GABRA2: variants seen among roughly 807,000 people sequenced by gnomAD.
The protein encoded by GABRA2 is gamma-aminobutyric acid type A receptor subunit alpha2.
In GABRA2, 16 loss-of-function variants were observed where a neutral mutation model predicts 48.7. That is an observed-to-expected ratio of 0.33 (90% CI 0.22 to 0.50). GABRA2 has a LOEUF of 0.50. Ranked by LOEUF, GABRA2 falls within the 20% of genes least tolerant of loss-of-function variation. The pLI is 0.98. For missense variants in GABRA2, 275 were observed against 535.6 expected (o/e 0.51, Z 4.80); for synonymous variants, 185 against 184.5 (o/e 1.00, Z -0.02).
At chr4:46,345,544 A>G (rs545001451) in intron 3 of GABRA2, among the ~76,000 whole-genome samples, 1 of 151,984 alleles carries the variant, frequency 6.6e-6, no homozygotes, top group Admixed American at 6.6e-5. Context: ...TCTCCCCATA[A>G]GTAGAGACAA....
chr4:46,294,927 C>T (rs2083422), intron 8 of GABRA2, among the ~76,000 whole-genome samples: 63,864 of 151,946 alleles, frequency 0.42, 13,663 homozygotes, highest in East Asian at 0.52. Context: ...AAGTGATATG[C>T]ATGTGATCAG....
intron 3 of GABRA2, among the ~76,000 whole-genome samples, chr4:46,379,501 T>G (rs1191758711): frequency 6.6e-6 from 1 of 152,242 alleles, no homozygotes. Flanking sequence ...CAATTTATTT[T>G]CATTTTCTCA....
At chr4:46,269,407 A>G (rs1475616997) in intron 8 of GABRA2, among the ~76,000 whole-genome samples, 1 of 151,866 alleles carries the variant, frequency 6.6e-6, no homozygotes, top group Non-Finnish European at 1.5e-5. Context: ...CCAGAGTGGC[A>G]AATTGGCCTA....
At chr4:46,383,750 G>A (rs1717072329) in intron 3 of GABRA2, among the ~76,000 whole-genome samples, 1 of 152,066 alleles carries the variant, frequency 6.6e-6, no homozygotes, top group Non-Finnish European at 1.5e-5. Flanking sequence ...GATTTGCATA[G>A]GAAAGGTAGA....
chr4:46,330,605 G>GAA (rs1225582406), intron 4 of GABRA2, among the ~76,000 whole-genome samples: 1 of 149,342 alleles, frequency 6.7e-6, no homozygotes, highest in Non-Finnish European at 1.5e-5. Flanking sequence ...GAGAGAGAGA[G>GAA]AGAGATGTTT....
chr4:46,287,165 T>C, intron 8 of GABRA2, among the ~76,000 whole-genome samples: 1 of 152,210 alleles, frequency 6.6e-6, no homozygotes, highest in East Asian at 1.9e-4. Context: ...TTCATTCTTT[T>C]GAATTTGGCA....
intron 8 of GABRA2, among the ~76,000 whole-genome samples, chr4:46,277,913 A>C (rs1308426259): frequency 2.0e-5 from 3 of 152,206 alleles, no homozygotes; most frequent in Non-Finnish European, 4.4e-5. Context: ...TGAAAATATT[A>C]GCATATATAC....
At chr4:46,281,922 C>A (rs139878260) in intron 8 of GABRA2, among the ~76,000 whole-genome samples, 3 of 152,014 alleles carry the variant, frequency 2.0e-5, no homozygotes, top group African/African-American at 7.3e-5. Flanking sequence ...GAGGTGCATT[C>A]CTGGAATAAT....
rs148401814 is a variant in GABRA2, at chr4:46,375,556, G to A, written c.187+10518C>T. Among the ~76,000 whole-genome samples, 699 of 152,170 alleles carry A rather than the reference G, an allele frequency of 4.6e-3. 1 individual carries two copies. Among genetic ancestry groups the A allele is most frequent in the Non-Finnish European group, 6.9e-3 (468 of 67,994 alleles). On this transcript the variant is annotated intron_variant, in intron 3 of 9. Transcript: ENST00000381620. ...GGGAATGCCACACTTAAACACCCTCGACATCCCTGCTACAGACATAGAAAA... is the reference window on the plus strand; with the variant it reads ...GGGAATGCCACACTTAAACACCCTCAACATCCCTGCTACAGACATAGAAAA...
chr4:46,290,193 C>T (rs1248044770), intron 8 of GABRA2, among the ~76,000 whole-genome samples: 2 of 151,774 alleles, frequency 1.3e-5, no homozygotes, highest in East Asian at 1.9e-4. Flanking sequence ...CGCCAGCCAC[C>T]GCGCCCGGCC....
At chr4:46,337,036 T>C (rs1449587176) in intron 3 of GABRA2, among the ~76,000 whole-genome samples, 1 of 152,120 alleles carries the variant, frequency 6.6e-6, no homozygotes, top group African/African-American at 2.4e-5. Flanking sequence ...AAGAACAAAA[T>C]TGATGTTCAA....
intron 8 of GABRA2, among the ~76,000 whole-genome samples, chr4:46,263,793 G>A (rs1717535177): frequency 6.6e-6 from 1 of 151,968 alleles, no homozygotes; most frequent in African/African-American, 2.4e-5. Context: ...TGCAAAAAAG[G>A]TAATTGGAAT....
At chr4:46,265,008 A>ATATAT (rs1717825404) in intron 8 of GABRA2, among the ~76,000 whole-genome samples, 1 of 58,000 alleles carries the variant, frequency 1.7e-5, no homozygotes, top group Non-Finnish European at 4.1e-5. Flanking sequence ...TATATGTATA[A>ATATAT]AGAGAGAGAG....
intron 3 of GABRA2, among the ~76,000 whole-genome samples, chr4:46,377,985 G>C (rs1348935263): frequency 9.5e-5 from 14 of 147,484 alleles, no homozygotes; most frequent in Admixed American, 1.3e-4. Context: ...GGAGGGAGGT[G>C]GGGGGGTCAG....
intron 8 of GABRA2, among the ~76,000 whole-genome samples, chr4:46,282,384 A>C (rs1721700511): frequency 6.6e-6 from 1 of 152,184 alleles, no homozygotes; most frequent in African/African-American, 2.4e-5. Context: ...GACATATCTG[A>C]GATGGTGTTT....
At chr4:46,299,301 T>C (rs1170495344) in intron 8 of GABRA2, among the ~76,000 whole-genome samples, 2 of 151,826 alleles carry the variant, frequency 1.3e-5, no homozygotes, top group African/African-American at 4.8e-5. Context: ...AATTGCTCTT[T>C]TTACTATCCT....
At chr4:46,346,330 G>A (rs1734135226) in intron 3 of GABRA2, among the ~76,000 whole-genome samples, 1 of 151,712 alleles carries the variant, frequency 6.6e-6, no homozygotes, top group Admixed American at 6.6e-5. Context: ...TGATAAAAAG[G>A]ATGACTCAAA....
chr4:46,378,463 T>C (rs1392309314), intron 3 of GABRA2, among the ~76,000 whole-genome samples: 4 of 151,946 alleles, frequency 2.6e-5, no homozygotes, highest in African/African-American at 7.3e-5. Context: ...GAAGGCAGCA[T>C]GCTCGTTAAG....
chr4:46,244,796 C>T lies in GABRA2; in HGVS notation c.*5512G>A, dbSNP rs1239661439. 6.6e-6 allele frequency among the ~76,000 whole-genome samples: 1 copy of T among 151,362 alleles called. No individual in the cohort carries two copies. The highest frequency in any genetic ancestry group is 2.4e-5 in the African/African-American group (1 of 41,356). On this transcript the variant is annotated 3_prime_UTR_variant, in exon 10 of 10. Transcript: ENST00000381620. ...CCAAAAAAGAAAACTGCAATATATT[C>T]CCAGAAACTAAATTGTACCAAAGAA...
Sources: allele counts gnomAD v4.1 joint callset (sites outside exome capture counted in the v4.1 genomes callset), GRCh38; gene constraint gnomAD v4.1.1; transcripts MANE v1.5; gene names NCBI Gene and HGNC (gene_info 2026-07-23, HGNC 2026-07-21).